KCNQ3: variants seen among roughly 807,000 people sequenced by gnomAD.
KCNQ3 encodes the protein potassium voltage-gated channel subfamily KQT member 3.
A neutral mutation model predicts 92.5 loss-of-function variants in KCNQ3; 30 were observed. That is an observed-to-expected ratio of 0.32 (90% CI 0.24 to 0.44). The LOEUF is 0.44. Ranked by LOEUF, KCNQ3 falls within the 20% of genes least tolerant of loss-of-function variation. The probability of loss-of-function intolerance (pLI) is 1.00; values close to 1 mark genes in which losing one functional copy is unlikely to be tolerated. For synonymous variants in KCNQ3, 450 were observed against 468.8 expected, an observed-to-expected ratio of 0.96 and a Z score of 0.52; for missense variants, 913 against 1,140.3, an observed-to-expected ratio of 0.80 and a Z score of 2.87.
intron 1 of KCNQ3, among the ~76,000 whole-genome samples, chr8:132,385,571 T>G (rs1819868724): frequency 6.6e-6 from 1 of 152,132 alleles, no homozygotes; most frequent in East Asian, 1.9e-4. Flanking sequence ...GTTATAAAAG[T>G]GAGTTCTACC....
intron 3 of KCNQ3, among the ~76,000 whole-genome samples, chr8:132,182,549 A>T (rs1826819973): frequency 6.6e-6 from 1 of 152,262 alleles, no homozygotes; most frequent in African/African-American, 2.4e-5. Context: ...TGATTTTAAA[A>T]TAGTGGATAC....
intron 1 of KCNQ3, among the ~76,000 whole-genome samples, chr8:132,472,146 T>C (rs1325040791): frequency 6.6e-6 from 1 of 152,174 alleles, no homozygotes; most frequent in Non-Finnish European, 1.5e-5. Context: ...AAGGAATTCT[T>C]ACATACTGTT....
In KCNQ3 at chr8:132,184,661, C is replaced by T. The variant is rs534676653; in HGVS notation, c.478-294G>A. ...TTTCTATGTTTTTGTTCCAATAGGTCAGCTTTAAAAGTCCCTTTAATGAAT... is the reference window on the plus strand; with the variant it reads ...TTTCTATGTTTTTGTTCCAATAGGTTAGCTTTAAAAGTCCCTTTAATGAAT... On this transcript the variant is annotated intron_variant, in intron 2 of 14. Coordinates refer to ENST00000388996, the MANE Select transcript of KCNQ3 (RefSeq NM_004519.4). Among the ~76,000 whole-genome samples, 10 of 152,204 alleles carry T rather than the reference C, an allele frequency of 6.6e-5. No individual in the cohort carries two copies. In the South Asian group the frequency reaches 1.5e-3, roughly 22 times the overall value.
chr8:132,226,840 G>A (rs1207794809), intron 1 of KCNQ3, among the ~76,000 whole-genome samples: 1 of 152,070 alleles, frequency 6.6e-6, no homozygotes, highest in Non-Finnish European at 1.5e-5. Flanking sequence ...TACTCTCTGA[G>A]GGATAAAAAC....
chr8:132,206,292 G>T (rs1281373721), intron 1 of KCNQ3, among the ~76,000 whole-genome samples: 1 of 152,098 alleles, frequency 6.6e-6, no homozygotes, highest in Non-Finnish European at 1.5e-5. Context: ...ATTTCCCACT[G>T]CAAGTCCAAA....
chr8:132,293,710 T>G (rs1816923964), intron 1 of KCNQ3, among the ~76,000 whole-genome samples: 1 of 151,880 alleles, frequency 6.6e-6, no homozygotes, highest in South Asian at 2.1e-4. Context: ...AGGTGTTGGG[T>G]GGGGAGGCGT....
Position 132,242,771 on chromosome 8 carries a change from C to T in KCNQ3, c.387-56590G>A, listed in dbSNP as rs1236247254. Among the ~76,000 whole-genome samples the T allele has an allele frequency of 3.3e-5, 5 of 152,308 alleles. No homozygotes were observed. The East Asian group carries it at 9.6e-4, about 29-fold the overall frequency. ...TATTTTTTAATCTGAATCCCCAGGG[C>T]TTATCATGATACCTGACATTACATT... On this transcript the variant is annotated intron_variant, in intron 1 of 14. Coordinates refer to ENST00000388996, the MANE Select transcript of KCNQ3 (RefSeq NM_004519.4).
chr8:132,353,720 A>C (rs1818939943), intron 1 of KCNQ3, among the ~76,000 whole-genome samples: 1 of 152,136 alleles, frequency 6.6e-6, no homozygotes, highest in Non-Finnish European at 1.5e-5. Flanking sequence ...AGGCTGAGGC[A>C]GGAGAATCGC....
At chr8:132,409,731 T>C (rs1010683795) in intron 1 of KCNQ3, among the ~76,000 whole-genome samples, 1 of 152,192 alleles carries the variant, frequency 6.6e-6, no homozygotes, top group Non-Finnish European at 1.5e-5. Context: ...TCTCCCTATT[T>C]CCCTATTTTA....
At chr8:132,192,064 T>C (rs1827177967) in intron 1 of KCNQ3, among the ~76,000 whole-genome samples, 1 of 152,166 alleles carries the variant, frequency 6.6e-6, no homozygotes, top group Non-Finnish European at 1.5e-5. Flanking sequence ...GGGCTGAATA[T>C]CTAACTCTCT....
chr8:132,357,965 C>T (rs1276469091), intron 1 of KCNQ3, among the ~76,000 whole-genome samples: 1 of 152,242 alleles, frequency 6.6e-6, no homozygotes, highest in Non-Finnish European at 1.5e-5. Context: ...ATCCATCAAA[C>T]TCCATCCCGT....
chr8:132,296,763 C>T (rs913404742), intron 1 of KCNQ3, among the ~76,000 whole-genome samples: 1 of 152,050 alleles, frequency 6.6e-6, no homozygotes, highest in Non-Finnish European at 1.5e-5. Flanking sequence ...TGTATATGTG[C>T]CACATTTTCT....
At chr8:132,295,189 A>T (rs973570406) in intron 1 of KCNQ3, among the ~76,000 whole-genome samples, 2 of 152,250 alleles carry the variant, frequency 1.3e-5, no homozygotes, top group African/African-American at 4.8e-5. Flanking sequence ...ACAAATTTAC[A>T]AGAAAATAAA....
intron 1 of KCNQ3, among the ~76,000 whole-genome samples, chr8:132,433,155 G>A (rs1277032573): frequency 6.6e-6 from 1 of 152,168 alleles, no homozygotes; most frequent in Non-Finnish European, 1.5e-5. Context: ...ATACTTTATT[G>A]TGAGTGTCTG....
chr8:132,220,776 TA>T (rs1384326493), intron 1 of KCNQ3, among the ~76,000 whole-genome samples: 3 of 151,382 alleles, frequency 2.0e-5, no homozygotes, highest in Non-Finnish European at 4.4e-5. Context: ...AATAAAAAAT[TA>T]AAAAATAAAA....
intron 1 of KCNQ3, among the ~76,000 whole-genome samples, chr8:132,267,033 G>A (rs1322731287): frequency 1.3e-5 from 2 of 152,122 alleles, no homozygotes; most frequent in Non-Finnish European, 2.9e-5. Context: ...AAAATGGGTG[G>A]CTTTATAGAA....
At chr8:132,227,130 G>A (rs749657207) in intron 1 of KCNQ3, among the ~76,000 whole-genome samples, 8 of 149,862 alleles carry the variant, frequency 5.3e-5, no homozygotes, top group South Asian at 2.1e-4. Context: ...GCGCGATCTC[G>A]GGGCTCACTG....
intron 9 of KCNQ3, among the ~76,000 whole-genome samples, chr8:132,160,991 T>C (rs1825967690): frequency 6.6e-6 from 1 of 151,792 alleles, no homozygotes; most frequent in East Asian, 2.0e-4. Context: ...TTCATGAGAA[T>C]CAAATAAGAT....
intron 1 of KCNQ3, among the ~76,000 whole-genome samples, chr8:132,327,546 C>T (rs1035550460): frequency 2.0e-5 from 3 of 152,158 alleles, no homozygotes; most frequent in African/African-American, 7.2e-5. Context: ...TCTCATTCAG[C>T]TGTGCCCATC....
Sources: gnomAD v4.1 joint callset for allele counts (sites outside exome capture counted in the v4.1 genomes callset) on GRCh38, gnomAD v4.1.1 for gene constraint, MANE v1.5 for transcripts, NCBI Gene and HGNC (gene_info 2026-07-23, HGNC 2026-07-21) for gene names.